MYT1L: variants seen among roughly 807,000 people sequenced by gnomAD.
The protein encoded by MYT1L is myelin transcription factor 1-like protein.
MYT1L carries 12 observed loss-of-function variants against 126.7 expected under a neutral mutation model. That is an observed-to-expected ratio of 0.09 (90% CI 0.06 to 0.15). The LOEUF is 0.15. Among genes scored for constraint, MYT1L ranks in the 10% least tolerant of loss-of-function variants. The pLI is 1.00. For synonymous variants in MYT1L, 541 were observed against 604.2 expected (o/e 0.90, Z 1.53); for missense variants, 979 against 1,585.2 (o/e 0.62, Z 6.49).
chr2:2,008,035 T>C (rs2063491851), intron 4 of MYT1L, among the ~76,000 whole-genome samples: 1 of 152,184 alleles, frequency 6.6e-6, no homozygotes, highest in African/African-American at 2.4e-5. Flanking sequence ...GATTGGCTTT[T>C]TGAGGCATCT....
Position 2,285,803 on chromosome 2 carries a change from C to T in MYT1L, c.-520-1300G>A, listed in dbSNP as rs2095511368. Among the ~76,000 whole-genome samples, 3 of 152,296 alleles carry T rather than the reference C, an allele frequency of 2.0e-5. No individual in the cohort carries two copies. In the South Asian group the frequency reaches 6.2e-4, roughly 32 times the overall value. On this transcript the variant is annotated intron_variant, in intron 1 of 24. Coordinates refer to ENST00000647738, the MANE Select transcript of MYT1L (RefSeq NM_001303052.2). ...ATCCTCAAAGTCGGCATCATTATTT[C>T]CCTGTACATTGGCTCAAGATGCTGC...
At chr2:1,926,774 A>C (rs772008303) in intron 9 of MYT1L, among the ~76,000 whole-genome samples, 21 of 152,164 alleles carry the variant, frequency 1.4e-4, no homozygotes, top group Non-Finnish European at 2.6e-4. Context: ...CCTGACCTCA[A>C]GTGATCCTCC....
chr2:1,882,298 A>G (rs2047665494), intron 18 of MYT1L, among the ~76,000 whole-genome samples: 1 of 152,074 alleles, frequency 6.6e-6, no homozygotes, highest in Non-Finnish European at 1.5e-5. Context: ...ACCCCAGGCC[A>G]TCACCTCTTC....
chr2:2,197,021 C>T (rs763076558), intron 2 of MYT1L, among the ~76,000 whole-genome samples: 9 of 151,858 alleles, frequency 5.9e-5, no homozygotes, highest in East Asian at 1.9e-4. Flanking sequence ...TATTACAGTG[C>T]GAATGTTAAG....
chr2:2,185,480 G>C (rs1355227338), intron 2 of MYT1L, among the ~76,000 whole-genome samples: 1 of 121,306 alleles, frequency 8.2e-6, no homozygotes, highest in African/African-American at 3.8e-5. Context: ...CTTCTGTGAG[G>C]GGGACGCAGC....
intron 1 of MYT1L, among the ~76,000 whole-genome samples, chr2:2,304,238 T>C (rs1198880779): frequency 2.0e-5 from 3 of 152,166 alleles, no homozygotes; most frequent in Admixed American, 1.3e-4. Flanking sequence ...TAATACACAT[T>C]CTCCAGGGGA....
chr2:2,198,821 G>C (rs2092935169), intron 2 of MYT1L, among the ~76,000 whole-genome samples: 1 of 152,082 alleles, frequency 6.6e-6, no homozygotes, highest in Admixed American at 6.5e-5. Context: ...ACTCCAGCCT[G>C]GGCGACAGAG....
chr2:1,943,293 T>C lies in MYT1L; in HGVS notation c.194A>G (p.Asp65Gly). ...CPLAKKRKTQDKQPQEPAPKR... is the reference protein window; with the variant it reads ...CPLAKKRKTQGKQPQEPAPKR... ...AGGAGCAGGTTCCTGGGGCTGTTTATCTTGTGTTTTTCTTTTTTTCGCCAA... is the reference window on the plus strand; with the variant it reads ...AGGAGCAGGTTCCTGGGGCTGTTTACCTTGTGTTTTTCTTTTTTTCGCCAA... Residue 65 changes from aspartate (D) to glycine (G), a missense_variant, in exon 9 of 25, where the codon GAT (aspartate) becomes GGT (glycine). By Grantham distance (94) the Asp-to-Gly change is moderately conservative (BLOSUM62 -1). Coordinates refer to ENST00000647738, the MANE Select transcript of MYT1L (RefSeq NM_001303052.2). This position sits in a 1 kb window ranked among gnomAD's most constrained non-coding sequence, Gnocchi z 4.4. The C allele has an allele frequency of 6.4e-7, 1 of 1,570,912 alleles. No individual in the cohort carries two copies. Among genetic ancestry groups the C allele is most frequent in the South Asian group, 1.2e-5 (1 of 85,256 alleles).
intron 18 of MYT1L, among the ~76,000 whole-genome samples, chr2:1,870,277 C>T (rs1282347483): frequency 6.6e-6 from 1 of 152,230 alleles, no homozygotes; most frequent in African/African-American, 2.4e-5. Context: ...TTACGCTGAT[C>T]TGAAGGCTCA....
chr2:2,310,843 A>C (rs2095956126), intron 1 of MYT1L, among the ~76,000 whole-genome samples: 1 of 152,046 alleles, frequency 6.6e-6, no homozygotes, highest in Non-Finnish European at 1.5e-5. Context: ...GCATCTAACA[A>C]GGTAAAGAGT....
At chr2:1,818,756 C>A (rs1211085291) in intron 21 of MYT1L, among the ~76,000 whole-genome samples, 1 of 152,206 alleles carries the variant, frequency 6.6e-6, no homozygotes, top group Non-Finnish European at 1.5e-5. Context: ...TGTATCAGAT[C>A]TGCTTCCATC....
At chr2:2,283,159 T>C (rs2149414057) in intron 2 of MYT1L, among the ~76,000 whole-genome samples, 1 of 152,344 alleles carries the variant, frequency 6.6e-6, no homozygotes, top group Non-Finnish European at 1.5e-5. Flanking sequence ...CGGCACAGTT[T>C]GACCCATGTT....
At chr2:2,242,220 A>G (rs978781344) in intron 2 of MYT1L, among the ~76,000 whole-genome samples, 3 of 152,220 alleles carry the variant, frequency 2.0e-5, no homozygotes, top group African/African-American at 7.2e-5. Context: ...ATGAGTACAG[A>G]GACCAGATCC....
chr2:2,184,809 C>G (rs1270000714), intron 2 of MYT1L, among the ~76,000 whole-genome samples: 1 of 152,156 alleles, frequency 6.6e-6, no homozygotes, highest in African/African-American at 2.4e-5. Context: ...AGGAGAGACT[C>G]CTGCCTAAAT....
chr2:2,170,823 G>C (rs1401798618), intron 3 of MYT1L, among the ~76,000 whole-genome samples: 2 of 152,178 alleles, frequency 1.3e-5, no homozygotes, highest in Non-Finnish European at 2.9e-5. Flanking sequence ...GCCCTTCACA[G>C]TGTGTGGCTG....
intron 3 of MYT1L, among the ~76,000 whole-genome samples, chr2:2,157,438 T>G (rs968109515): frequency 2.6e-5 from 4 of 152,230 alleles, no homozygotes; most frequent in African/African-American, 7.2e-5. Flanking sequence ...GGAGATTTTT[T>G]GTCACTTTTA....
intron 2 of MYT1L, among the ~76,000 whole-genome samples, chr2:2,263,622 A>T (rs1572950427): frequency 6.6e-6 from 1 of 152,116 alleles, no homozygotes; most frequent in African/African-American, 2.4e-5. Context: ...CTGTCAGCTG[A>T]TGCAGCTCAC....
chr2:1,885,635 T>C (rs745703435), intron 18 of MYT1L: 16 of 152,546 alleles, frequency 1.0e-4, no homozygotes, highest in Admixed American at 5.2e-4. Flanking sequence ...GCATTATCTT[T>C]GCCTGGATAA....
At chr2:1,872,854 G>A (rs1300862466) in intron 18 of MYT1L, among the ~76,000 whole-genome samples, 1 of 152,206 alleles carries the variant, frequency 6.6e-6, no homozygotes, top group African/African-American at 2.4e-5. Context: ...TTACAAACAT[G>A]AGCCCATTTA....
Sources: allele counts gnomAD v4.1 joint callset (sites outside exome capture counted in the v4.1 genomes callset), GRCh38; gene constraint gnomAD v4.1.1; non-coding constraint Gnocchi (gnomAD v3.1); transcripts MANE v1.5; gene names NCBI Gene and HGNC (gene_info 2026-07-23, HGNC 2026-07-21).